The following NUP214 variants were observed in gnomAD, a reference collection of about 807,000 sequenced individuals.
NUP214 encodes the protein nuclear pore complex protein Nup214.
In NUP214, 79 loss-of-function variants were observed where a neutral mutation model predicts 196.2. The ratio of observed to expected loss-of-function variants is 0.40; its 90% CI spans 0.34 to 0.49. NUP214 has a LOEUF of 0.49. Among genes scored for constraint, NUP214 ranks in the 20% least tolerant of loss-of-function variants. The pLI is 0.58. For synonymous variants in NUP214, 1,020 were observed against 990.5 expected, an observed-to-expected ratio of 1.03 and a Z score of -0.56; for missense variants, 2,468 against 2,539.0, an observed-to-expected ratio of 0.97 and a Z score of 0.60.
At chr9:131,141,032 T>C (rs968805288) in intron 11 of NUP214, among the ~76,000 whole-genome samples, 1 of 151,946 alleles carries the variant, frequency 6.6e-6, no homozygotes. Flanking sequence ...TGCTTAATCA[T>C]GGGGGTTGGT....
Position 131,197,576 on chromosome 9 carries a change from A to C in NUP214, c.4082A>C (p.Gln1361Pro), listed in dbSNP as rs751545782. The change falls in exon 29 of 36, where the codon CAG becomes CCG. Residue 1361 changes from glutamine (Q) to proline (P), a missense_variant. Gln to Pro is a moderately conservative substitution (Grantham distance 76). Around this residue, in one of 5 missense-constraint regions of NUP214, gnomAD observed 1,801 missense variants for 1,779.4 expected, o/e 1.01. Transcript: ENST00000359428. ...KASSTSLTST[Q>P]PTKTSGVPSG... Reference sequence around the variant, plus strand: ...TCATCCACAAGCCTAACTAGTACCCAGCCAACCAAGACGTCAGGCGTGCCC... The same window carrying C: ...TCATCCACAAGCCTAACTAGTACCCCGCCAACCAAGACGTCAGGCGTGCCC... 2 of 1,614,194 alleles carry C rather than the reference A, an allele frequency of 1.2e-6. No homozygotes were observed. The highest frequency in any genetic ancestry group is 1.7e-6 in the Non-Finnish European group (2 of 1,180,036).
intron 9 of NUP214, among the ~76,000 whole-genome samples, chr9:131,138,644 G>C (rs1433277626): frequency 1.3e-5 from 2 of 152,220 alleles, no homozygotes; most frequent in African/African-American, 2.4e-5. Context: ...GGAAGGAACA[G>C]AGCCTATCCA....
At chr9:131,220,906 T>C (rs918199293) in intron 31 of NUP214, among the ~76,000 whole-genome samples, 1 of 152,226 alleles carries the variant, frequency 6.6e-6, no homozygotes, top group Non-Finnish European at 1.5e-5. Flanking sequence ...CCCACCACTG[T>C]CCCAATAACA....
chr9:131,170,861 G>A (rs866941503), intron 21 of NUP214, among the ~76,000 whole-genome samples: 1 of 151,732 alleles, frequency 6.6e-6, no homozygotes, highest in African/African-American at 2.4e-5. Flanking sequence ...CCAGTGCAGC[G>A]TAAAAGTGTC....
chr9:131,151,641 A>G, intron 16 of NUP214, 95 bp from the exon 17 acceptor site: 1 of 871,398 alleles, frequency 1.1e-6, no homozygotes, highest in Non-Finnish European at 1.8e-6. Context: ...CATTCTGTTC[A>G]GTGAGCGTTT....
rs1564195791 is a variant in NUP214 at position 131,175,625 on chromosome 9, A to C, written c.3319+4A>C. 6.2e-7 allele frequency: 1 copy of C among 1,614,098 alleles called. No homozygotes were observed. Among genetic ancestry groups the C allele is most frequent in the East Asian group, 2.2e-5 (1 of 44,872 alleles). ...CAGATGGCCAGTCAGGCACCAGGTA[A>C]AAGCTGTAGCCCCATACCTGTACAG... On this transcript the variant is annotated splice_donor_region_variant and intron_variant, in intron 23 of 35. Coordinates refer to ENST00000359428, the MANE Select transcript of NUP214 (RefSeq NM_005085.4).
intron 31 of NUP214, among the ~76,000 whole-genome samples, chr9:131,219,492 G>A (rs1220144181): frequency 6.6e-6 from 1 of 152,162 alleles, no homozygotes; most frequent in Non-Finnish European, 1.5e-5. Flanking sequence ...CAAAAGACAA[G>A]CTGAGAACAC....
chr9:131,159,600 G>A (rs1265742594), intron 18 of NUP214, 114 bp downstream of exon 18: 3 of 852,468 alleles, frequency 3.5e-6, no homozygotes, highest in Non-Finnish European at 5.6e-6. Context: ...GCTCACGCCT[G>A]TAATCCCAGC....
chr9:131,160,718 G>GT (rs1468449783), intron 18 of NUP214, among the ~76,000 whole-genome samples: 2 of 152,222 alleles, frequency 1.3e-5, no homozygotes, highest in Non-Finnish European at 2.9e-5. Context: ...TTATAATTTA[G>GT]TAAGCACAAT....
Position 131,135,950 on chromosome 9 carries a change from C to A in NUP214, c.949C>A (p.Leu317Met). The A allele has an allele frequency of 6.2e-7, 1 of 1,613,618 alleles. No individual in the cohort carries two copies. Among genetic ancestry groups the A allele is most frequent in the Non-Finnish European group, 8.5e-7 (1 of 1,179,524 alleles). ...LSYIEEWDLV[L>M]AASAASTEVS... ...GTTTTATTCTTTAAGGGATTTAGTG[C>A]TGGCAGCATCTGCGGCTTCAACAGA... The change falls in exon 9 of 36, where the codon CTG (leucine) becomes ATG (methionine). Residue 317 changes from leucine to methionine, a missense_variant. Leu to Met is a conservative substitution (Grantham distance 15). Coordinates refer to ENST00000359428, the MANE Select transcript of NUP214 (RefSeq NM_005085.4).
intron 23 of NUP214, among the ~76,000 whole-genome samples, chr9:131,177,706 TG>T (rs1429094062): frequency 3.3e-5 from 5 of 152,140 alleles, no homozygotes; most frequent in African/African-American, 4.8e-5. Flanking sequence ...TTAAGTCTTT[TG>T]GGATACAATT....
chr9:131,179,173 A>G (rs568569390), intron 24 of NUP214, among the ~76,000 whole-genome samples: 13 of 151,552 alleles, frequency 8.6e-5, no homozygotes, highest in South Asian at 4.2e-4. Flanking sequence ...CTAATTTTTT[A>G]ATTTTTTGTA....
intron 18 of NUP214, among the ~76,000 whole-genome samples, chr9:131,159,816 C>T (rs141340993): frequency 0.013 from 1,900 of 151,468 alleles, 15 homozygotes; most frequent in Non-Finnish European, 0.018. Context: ...GAGATCGTGC[C>T]ACTGCCCTCC....
At chr9:131,136,145 A>G (rs1027953634) in intron 9 of NUP214, 139 bp downstream of exon 9, 21 of 647,756 alleles carry the variant, frequency 3.2e-5, no homozygotes, top group Non-Finnish European at 3.9e-5. Context: ...AGTTCAAGCA[A>G]TTTTGTGCCT....
chr9:131,217,258 C>T (rs1181020504), intron 31 of NUP214, among the ~76,000 whole-genome samples: 1 of 152,186 alleles, frequency 6.6e-6, no homozygotes, highest in Non-Finnish European at 1.5e-5. Context: ...AGATTATTGT[C>T]AAGAGACACA....
intron 30 of NUP214, among the ~76,000 whole-genome samples, chr9:131,206,141 C>CTTTTTTATTTTTTTTTTTT: frequency 4.2e-5 from 1 of 23,866 alleles, no homozygotes; most frequent in East Asian, 2.9e-3. Context: ...GAATTTTTTT[C>CTTTTTTATTTTTTTTTTTT]TTTTTTCTTT....
chr9:131,203,748 A>G (rs530981820), intron 30 of NUP214, among the ~76,000 whole-genome samples: 1 of 152,324 alleles, frequency 6.6e-6, no homozygotes, highest in African/African-American at 2.4e-5. Context: ...CTTTAAAAGC[A>G]CCAATAAACT....
chr9:131,202,728 C>T (rs1261430224), intron 30 of NUP214, among the ~76,000 whole-genome samples: 1 of 151,988 alleles, frequency 6.6e-6, no homozygotes, highest in Non-Finnish European at 1.5e-5. Flanking sequence ...AGGCGTGAGC[C>T]ACTGTGCCTG....
At chr9:131,136,109 C>T in intron 9 of NUP214, 103 bp downstream of exon 9, 1 of 875,686 alleles carries the variant, frequency 1.1e-6, no homozygotes. Context: ...GGTGCAATTT[C>T]AGCTTACTGC....
Sources: gnomAD v4.1 joint callset for allele counts (sites outside exome capture counted in the v4.1 genomes callset) on GRCh38, gnomAD v4.1.1 for gene constraint, gnomAD v4.1.1 regional missense constraint, MANE v1.5 for transcripts, NCBI Gene and HGNC (gene_info 2026-07-23, HGNC 2026-07-21) for gene names.